The following ZNF180 variants were observed in gnomAD, a reference collection of about 807,000 sequenced individuals.
ZNF180 encodes zinc finger protein 180 (HHZ168).
ZNF180 carries 11 observed loss-of-function variants against 11.8 expected under a neutral mutation model. The observed-to-expected ratio is 0.93, with a 90% CI of 0.59 to 1.55. The LOEUF is 1.55. ZNF180 is among the 40% of genes most tolerant of loss of function. The probability of loss-of-function intolerance (pLI) is 0.00; values close to 1 mark genes in which losing one functional copy is unlikely to be tolerated. For synonymous variants in ZNF180, 287 were observed against 257.7 expected (o/e 1.11, Z -1.09); for missense variants, 773 against 781.7 (o/e 0.99, Z 0.13).
chr19:44,477,176 C>T lies in ZNF180; in HGVS notation c.1224G>A (p.Lys408=), dbSNP rs532662127. The change falls in exon 5 of 5, where the codon AAG becomes AAA. Residue 408 remains lysine (K), a synonymous_variant. Coordinates refer to ENST00000592529, the MANE Select transcript of ZNF180 (RefSeq NM_001278509.3). ...TTCCACACTGATTGCATTCATAAGG[C>T]TTCTCCCCAGTATGAGTTCTTTGAT... ...VVHQRTHTGE[K]PYECNQCGKS... 127 of 1,613,172 alleles carry T rather than the reference C, an allele frequency of 7.9e-5. 1 individual carries two copies. In the South Asian group the frequency reaches 1.3e-3, roughly 17 times the overall value.
At chr19:44,480,579 T>C (rs1382973443) in intron 3 of ZNF180, among the ~76,000 whole-genome samples, 1 of 152,144 alleles carries the variant, frequency 6.6e-6, no homozygotes, top group Non-Finnish European at 1.5e-5. Context: ...CTAAAATACT[T>C]AGGACTGGAA....
chr19:44,479,160 G>A, intron 4 of ZNF180, 123 bp downstream of exon 4: 1 of 1,172,224 alleles, frequency 8.5e-7, no homozygotes, highest in Non-Finnish European at 1.2e-6. Flanking sequence ...GGAATAAAGA[G>A]CACAAACACA....
chr19:44,491,682 T>C (rs1337408790), intron 2 of ZNF180, among the ~76,000 whole-genome samples: 1 of 152,150 alleles, frequency 6.6e-6, no homozygotes, highest in Non-Finnish European at 1.5e-5. Flanking sequence ...GCTATCCTAC[T>C]GTCTCAGCCT....
At chr19:44,488,642 G>T (rs1970316273) in intron 2 of ZNF180, among the ~76,000 whole-genome samples, 2 of 151,992 alleles carry the variant, frequency 1.3e-5, no homozygotes, top group Non-Finnish European at 2.9e-5. Context: ...TGCCTGCCTT[G>T]GCCTCCCAAA....
rs1474340437 is a variant in ZNF180, at chr19:44,477,726, C to T, written c.674G>A (p.Gly225Glu). 1 of 1,614,004 alleles carries T rather than the reference C, an allele frequency of 6.2e-7. No homozygotes were observed. The highest frequency in any genetic ancestry group is 1.1e-5 in the South Asian group (1 of 91,068). ...NETLYENNEC[G>E]KPPQSIHLIQ... ...AAGGTGAATGCTCTGAGGGGGTTTT[C>T]CACATTCATTATTTTCATATAGTGT... Residue 225 changes from glycine (G) to glutamate (E), a missense_variant, in exon 5 of 5, where the codon GGA becomes GAA. Physicochemically the swap from Gly to Glu is moderately conservative, Grantham distance 98. Transcript: ENST00000592529.
At chr19:44,499,858 C>T (rs903375843) in intron 1 of ZNF180, among the ~76,000 whole-genome samples, 2 of 152,162 alleles carry the variant, frequency 1.3e-5, no homozygotes, top group African/African-American at 4.8e-5. Context: ...AATACCTGAT[C>T]AAGAGTAAAG....
At chr19:44,494,432 A>C (rs531653353) in intron 2 of ZNF180, among the ~76,000 whole-genome samples, 101 of 152,338 alleles carry the variant, frequency 6.6e-4, no homozygotes, top group Admixed American at 3.7e-3. Flanking sequence ...TGGGAGGCCA[A>C]GGTGGGAGGA....
At chr19:44,484,320 C>A in intron 3 of ZNF180, 41 bp downstream of exon 3, 1 of 1,501,510 alleles carries the variant, frequency 6.7e-7, no homozygotes, top group Non-Finnish European at 9.3e-7. Flanking sequence ...CCCAGCCATG[C>A]ACATTTCTCA....
chr19:44,495,909 T>A lies in ZNF180; in HGVS notation c.51+1375A>T, dbSNP rs1970567303. On this transcript the variant is annotated intron_variant, in intron 2 of 4. Coordinates refer to ENST00000592529, the MANE Select transcript of ZNF180 (RefSeq NM_001278509.3). The surrounding 1 kb of genome is among the most constrained non-coding windows in gnomAD (Gnocchi z 4.5). ...AGGTGCCCCCTAACACTGCCCCACC[T>A]CACGGCTTCAAGGCTGACTTGTTCA... 6.6e-6 allele frequency among the ~76,000 whole-genome samples: 1 copy of A among 152,182 alleles called. No individual in the cohort carries two copies. Among genetic ancestry groups the A allele is most frequent in the Non-Finnish European group, 1.5e-5 (1 of 68,030 alleles).
intron 2 of ZNF180, among the ~76,000 whole-genome samples, chr19:44,487,818 C>T (rs1021102656): frequency 1.2e-4 from 18 of 152,086 alleles, no homozygotes; most frequent in African/African-American, 3.6e-4. Flanking sequence ...CCTCCACCTC[C>T]GGGGTTCAAG....
intron 1 of ZNF180, among the ~76,000 whole-genome samples, chr19:44,499,949 C>T (rs531850099): frequency 6.6e-6 from 1 of 152,294 alleles, no homozygotes; most frequent in Non-Finnish European, 1.5e-5. Context: ...CTCAGGCCTC[C>T]ACTAAATAAG....
chr19:44,477,471 C>T lies in ZNF180; in HGVS notation c.929G>A (p.Ser310Asn). 6.2e-7 allele frequency: 1 copy of T among 1,614,044 alleles called. No homozygotes were observed. The highest frequency in any genetic ancestry group is 8.5e-7 in the Non-Finnish European group (1 of 1,179,968). Reference sequence around the variant, plus strand: ...TCTCATGTTTTGAGTAAGGGAGGAACTATGAGAGGTTTCACTACATTTATA... The same window carrying T: ...TCTCATGTTTTGAGTAAGGGAGGAATTATGAGAGGTTTCACTACATTTATA... Reference protein sequence around the residue: ...SQYKCSETSHSSSLTQNMRNN... With the variant: ...SQYKCSETSHNSSLTQNMRNN... Residue 310 changes from serine to asparagine, a missense_variant, in exon 5 of 5, where the codon AGT (serine) becomes AAT (asparagine). Ser to Asn is a conservative substitution (Grantham distance 46). Transcript: ENST00000592529.
intron 2 of ZNF180, among the ~76,000 whole-genome samples, chr19:44,494,849 A>C (rs1568436756): frequency 6.6e-6 from 1 of 152,168 alleles, no homozygotes; most frequent in Non-Finnish European, 1.5e-5. Flanking sequence ...TGTAACACTA[A>C]AGAGCCATTA....
chr19:44,494,269 T>C (rs997076575), intron 2 of ZNF180, among the ~76,000 whole-genome samples: 7 of 152,166 alleles, frequency 4.6e-5, no homozygotes, highest in Non-Finnish European at 8.8e-5. Flanking sequence ...ATGAACAGAC[T>C]TCTAATTCAG....
At chr19:44,499,899 A>G (rs1970695948) in intron 1 of ZNF180, among the ~76,000 whole-genome samples, 1 of 152,124 alleles carries the variant, frequency 6.6e-6, no homozygotes, top group African/African-American at 2.4e-5. Context: ...CTCTCCAGAA[A>G]CCACAATCTG....
In ZNF180 at chr19:44,500,139, C is replaced by T. The variant is rs1970707848; in HGVS notation, c.-44+136G>A. On this transcript the variant is annotated intron_variant, in intron 1 of 4. Coordinates refer to ENST00000592529, the MANE Select transcript of ZNF180 (RefSeq NM_001278509.3). ...GCTGTATCAGTAACTCCATCAACCC[C>T]GGTGACCCGAGGCTAAAGCGCCACC... The T allele has an allele frequency of 2.5e-6, 4 of 1,612,198 alleles. No individual in the cohort carries two copies. In the East Asian group the frequency reaches 6.7e-5, roughly 27 times the overall value.
intron 1 of ZNF180, among the ~76,000 whole-genome samples, chr19:44,498,642 C>T (rs1445045627): frequency 6.6e-6 from 1 of 152,168 alleles, no homozygotes; most frequent in Non-Finnish European, 1.5e-5. Context: ...TCCTGTTTCC[C>T]AACCAAACAC....
chr19:44,485,805 C>T (rs1248895072), intron 2 of ZNF180, among the ~76,000 whole-genome samples: 1 of 152,108 alleles, frequency 6.6e-6, no homozygotes, highest in Non-Finnish European at 1.5e-5. Flanking sequence ...ATTGTCAAAA[C>T]CAGGAAATTG....
intron 2 of ZNF180, among the ~76,000 whole-genome samples, chr19:44,490,321 C>A (rs1021978657): frequency 6.6e-6 from 1 of 152,178 alleles, no homozygotes; most frequent in African/African-American, 2.4e-5. Context: ...CTGGCCTAAA[C>A]TGCCTTGAAA....
Sources: allele counts gnomAD v4.1 joint callset (sites outside exome capture counted in the v4.1 genomes callset), GRCh38; gene constraint gnomAD v4.1.1; non-coding constraint Gnocchi (gnomAD v3.1); transcripts MANE v1.5; gene names NCBI Gene and HGNC (gene_info 2026-07-23, HGNC 2026-07-21).